C3orf49: variants seen among roughly 807,000 people sequenced by gnomAD.
The protein encoded by C3orf49 is putative uncharacterized protein C3orf49.
A neutral mutation model predicts 13.3 loss-of-function variants in C3orf49; 27 were observed. The ratio of observed to expected loss-of-function variants is 2.02; its 90% CI spans 1.49 to 2.79. The LOEUF (loss-of-function observed/expected upper bound fraction) is 2.79, where lower values mean the gene tolerates loss of function less well. Among genes scored for constraint, C3orf49 ranks in the 30% most tolerant of loss-of-function variants. The pLI, the probability that C3orf49 is intolerant of heterozygous loss-of-function variation, is 0.00. For synonymous variants in C3orf49, 87 were observed against 47.6 expected (o/e 1.83, Z -3.40); for missense variants, 242 against 134.2 (o/e 1.80, Z -3.97).
the C3orf49 span, among the ~76,000 whole-genome samples, chr3:63,787,867 ATG>A: frequency 1.3e-5 from 2 of 152,206 alleles, no homozygotes; most frequent in Non-Finnish European, 2.9e-5. Context: ...ACTGGGGAGA[ATG>A]TGTGTCAAAA....
the C3orf49 span, among the ~76,000 whole-genome samples, chr3:63,805,691 A>T: frequency 3.3e-5 from 5 of 152,230 alleles, no homozygotes; most frequent in African/African-American, 9.6e-5. Context: ...ACAAACCCAC[A>T]TCTTATAAAA....
At chr3:63,845,683 T>A (rs1701876888) in intron 6 of C3orf49, among the ~76,000 whole-genome samples, 2 of 152,082 alleles carry the variant, frequency 1.3e-5, no homozygotes, top group Non-Finnish European at 2.9e-5. Flanking sequence ...GAAACTGAAA[T>A]GTCATTAGCT....
At chr3:63,814,794 C>T (rs1212292779), upstream of C3orf49, among the ~76,000 whole-genome samples, 1 of 152,144 alleles carries the variant, frequency 6.6e-6, no homozygotes, top group African/African-American at 2.4e-5. Flanking sequence ...AACACCCCAA[C>T]TGAGTATCTC....
chr3:63,817,369 A>G (rs1701335984), upstream of C3orf49, among the ~76,000 whole-genome samples: 3 of 152,256 alleles, frequency 2.0e-5, no homozygotes, highest in South Asian at 6.2e-4. Context: ...ATATTAAGTT[A>G]TATGAGTTCA....
chr3:63,788,128 A>G, the C3orf49 span, among the ~76,000 whole-genome samples: 12 of 152,300 alleles, frequency 7.9e-5, no homozygotes, highest in South Asian at 6.2e-4. Context: ...TTGATAATAA[A>G]AATAACAACA....
the C3orf49 span, among the ~76,000 whole-genome samples, chr3:63,804,651 T>C: frequency 1.3e-5 from 2 of 152,192 alleles, no homozygotes. Flanking sequence ...TGAGTCTGCC[T>C]TTCTTGGCTG....
At chr3:63,845,130 T>C in intron 6 of C3orf49, 48 bp downstream of exon 6, 1 of 664,162 alleles carries the variant, frequency 1.5e-6, no homozygotes, top group South Asian at 1.6e-5. Context: ...ATCTCCTTCA[T>C]GTAGCCCTGA....
the C3orf49 span, among the ~76,000 whole-genome samples, chr3:63,780,281 G>T: frequency 2.6e-4 from 40 of 152,002 alleles, no homozygotes; most frequent in African/African-American, 8.9e-4. Context: ...GAGAATGATG[G>T]TTTCCAGCTT....
At chr3:63,841,853 G>C (rs1381267715) in intron 5 of C3orf49, among the ~76,000 whole-genome samples, 1 of 152,176 alleles carries the variant, frequency 6.6e-6, no homozygotes, top group African/African-American at 2.4e-5. Context: ...TCTAGTGGGT[G>C]AATCTGGTGG....
chr3:63,838,323 T>C (rs1701676141), intron 5 of C3orf49: 1 of 1,299,344 alleles, frequency 7.7e-7, no homozygotes, highest in African/African-American at 1.5e-5. Context: ...ATTGTTTCCT[T>C]TAGACCATAA....
At chr3:63,835,515 C>T (rs1701613785) in intron 5 of C3orf49, 4 of 729,980 alleles carry the variant, frequency 5.5e-6, no homozygotes, top group Admixed American at 6.0e-5. Context: ...GGAGTTATAA[C>T]ACTCCATTAT....
the C3orf49 span, among the ~76,000 whole-genome samples, chr3:63,792,088 C>G: frequency 6.6e-6 from 1 of 152,216 alleles, no homozygotes; most frequent in Non-Finnish European, 1.5e-5. Flanking sequence ...AATAATAATT[C>G]ATTGTGCAAT....
At chr3:63,838,303 G>A in intron 5 of C3orf49, 2 of 1,123,402 alleles carry the variant, frequency 1.8e-6, no homozygotes, top group Non-Finnish European at 2.5e-6. Context: ...AAAGAAAATT[G>A]TTAGCAGGTA....
At chr3:63,794,379 T>C in the C3orf49 span, among the ~76,000 whole-genome samples, 2 of 151,930 alleles carry the variant, frequency 1.3e-5, no homozygotes, top group African/African-American at 4.8e-5. Flanking sequence ...GCATTATTCA[T>C]TTTCTCCTCT....
At chr3:63,816,006 G>A (rs760000658), upstream of C3orf49, among the ~76,000 whole-genome samples, 8 of 151,472 alleles carry the variant, frequency 5.3e-5, no homozygotes, top group Non-Finnish European at 1.2e-4. Flanking sequence ...GGATGGTCTC[G>A]ATCTCTTGAC....
At chr3:63,828,796 T>C (rs553975939) in intron 3 of C3orf49, among the ~76,000 whole-genome samples, 11 of 152,140 alleles carry the variant, frequency 7.2e-5, no homozygotes, top group Non-Finnish European at 1.2e-4. Context: ...ATTTTAGGGA[T>C]GGTACTGAGA....
At chr3:63,842,754 A>G (rs997850467) in intron 5 of C3orf49, among the ~76,000 whole-genome samples, 14 of 152,116 alleles carry the variant, frequency 9.2e-5, no homozygotes, top group African/African-American at 2.7e-4. Flanking sequence ...TACACTGGGT[A>G]TAAGTACACA....
the C3orf49 span, among the ~76,000 whole-genome samples, chr3:63,788,845 G>A: frequency 2.6e-5 from 4 of 152,134 alleles, no homozygotes; most frequent in South Asian, 2.1e-4. Flanking sequence ...CTTAGAATCC[G>A]TGCTCTTCTG....
intron 5 of C3orf49, among the ~76,000 whole-genome samples, chr3:63,833,346 G>A (rs1214569418): frequency 1.3e-5 from 2 of 152,026 alleles, no homozygotes; most frequent in African/African-American, 2.4e-5. Flanking sequence ...TGATCTGCCC[G>A]CCTCGGCCTT....
Sources: gnomAD v4.1 joint callset for allele counts (sites outside exome capture counted in the v4.1 genomes callset) on GRCh38, gnomAD v4.1.1 for gene constraint, MANE v1.5 for transcripts, NCBI Gene and HGNC (gene_info 2026-07-23, HGNC 2026-07-21) for gene names.